Variants in RFC2 observed in about 807,000 individuals in gnomAD.
RFC2 encodes A1 40 kDa subunit.
RFC2 carries 34 observed loss-of-function variants against 44.8 expected under a neutral mutation model. That is an observed-to-expected ratio of 0.76 (90% CI 0.58 to 1.01). The LOEUF is 1.01. RFC2 is among the 50% of genes least tolerant of loss of function. The pLI is 0.00. For synonymous variants in RFC2, 177 were observed against 168.9 expected, an observed-to-expected ratio of 1.05 and a Z score of -0.37; for missense variants, 400 against 453.6, an observed-to-expected ratio of 0.88 and a Z score of 1.07.
intron 5 of RFC2, among the ~76,000 whole-genome samples, chr7:74,244,475 C>T (rs1803493861): frequency 1.3e-5 from 2 of 151,334 alleles, no homozygotes; most frequent in South Asian, 4.2e-4. Flanking sequence ...GCCTTGGACT[C>T]CTTAGTACCT....
At position 74,232,734 on chromosome 7, in the gene RFC2, G is replaced by A. The variant is rs1382265885; in HGVS notation, c.955-518C>T. On this transcript the variant is annotated intron_variant, in intron 10 of 10. Coordinates refer to ENST00000055077, the MANE Select transcript of RFC2 (RefSeq NM_181471.3). The stretch of plus-strand genomic sequence containing the variant: ...ACAAAAATTAGCCAGGTATGGTGGC[G>A]CACGCCTGTAATCCCAGCTACTCGG... Among the ~76,000 whole-genome samples, 8 of 152,220 alleles carry A rather than the reference G, an allele frequency of 5.3e-5. No homozygotes were observed. In the South Asian group the frequency reaches 1.2e-3, roughly 24 times the overall value.
At chr7:74,233,313 G>C (rs1554717538) in intron 10 of RFC2, among the ~76,000 whole-genome samples, 2 of 152,174 alleles carry the variant, frequency 1.3e-5, no homozygotes, top group African/African-American at 4.8e-5. Flanking sequence ...GGGAGTTCAA[G>C]ACCAGCCTTG....
chr7:74,250,521 T>C (rs1022227384), intron 2 of RFC2, among the ~76,000 whole-genome samples: 1 of 152,146 alleles, frequency 6.6e-6, no homozygotes, highest in South Asian at 2.1e-4. Flanking sequence ...ATGGACTGTC[T>C]ATGCCATGAA....
At chr7:74,241,055 T>C (rs1276635848) in intron 6 of RFC2, among the ~76,000 whole-genome samples, 1 of 152,090 alleles carries the variant, frequency 6.6e-6, no homozygotes, top group Non-Finnish European at 1.5e-5. Context: ...CTCAGCCTCC[T>C]GAGTAGCTGG....
At chr7:74,249,399 G>A (rs1187651369) in intron 3 of RFC2, among the ~76,000 whole-genome samples, 11 of 152,082 alleles carry the variant, frequency 7.2e-5, no homozygotes, top group African/African-American at 2.7e-4. Flanking sequence ...AACTTAGCTG[G>A]GCGTGATGGC....
intron 5 of RFC2, among the ~76,000 whole-genome samples, chr7:74,244,096 CAAAA>C (rs1179272254): frequency 2.4e-5 from 1 of 41,634 alleles, no homozygotes; most frequent in African/African-American, 7.6e-5. Flanking sequence ...ACTAAAAATA[CAAAA>C]AAAAAAAAAA....
At chr7:74,251,856 G>A (rs1400095516) in intron 2 of RFC2, among the ~76,000 whole-genome samples, 6 of 145,582 alleles carry the variant, frequency 4.1e-5, no homozygotes, top group Non-Finnish European at 9.0e-5. Flanking sequence ...CCAGCACTTT[G>A]GGAGGCCGAG....
intron 6 of RFC2, among the ~76,000 whole-genome samples, chr7:74,241,415 G>A (rs1803322477): frequency 6.6e-6 from 1 of 152,240 alleles, no homozygotes; most frequent in South Asian, 2.1e-4. Flanking sequence ...ATTTTGGGAA[G>A]GGAAAAGAAT....
intron 10 of RFC2, among the ~76,000 whole-genome samples, chr7:74,232,759 G>A (rs781971832): frequency 1.9e-4 from 29 of 152,220 alleles, no homozygotes; most frequent in Non-Finnish European, 2.6e-4. Flanking sequence ...CAGCTACTCG[G>A]GAGGCTGAGG....
chr7:74,244,010 G>A (rs1803470188), intron 5 of RFC2, among the ~76,000 whole-genome samples: 1 of 150,400 alleles, frequency 6.6e-6, no homozygotes, highest in South Asian at 2.1e-4. Context: ...CAGCACATTG[G>A]GAGGCCGAGG....
intron 5 of RFC2, among the ~76,000 whole-genome samples, chr7:74,244,751 T>C (rs1487534425): frequency 6.6e-6 from 1 of 151,336 alleles, no homozygotes; most frequent in Non-Finnish European, 1.5e-5. Context: ...ACAGATCACT[T>C]GAGGCCAGGA....
chr7:74,242,032 G>A lies in RFC2; in HGVS notation c.535+1114C>T, dbSNP rs532948725. On this transcript the variant is annotated intron_variant, in intron 6 of 10. Transcript: ENST00000055077. Reference sequence around the variant, plus strand: ...CTAGAGCACTCTTGGGACCTGGGGCGGGACAAACCCATGCAGAAGCAGACA... The same window carrying A: ...CTAGAGCACTCTTGGGACCTGGGGCAGGACAAACCCATGCAGAAGCAGACA... 7.9e-5 allele frequency among the ~76,000 whole-genome samples: 12 copies of A among 152,290 alleles called. 1 individual carries two copies. In the East Asian group the frequency reaches 1.9e-3, roughly 24 times the overall value.
rs781861667 is a variant in RFC2, at chr7:74,235,488, G to T, written c.954+44C>A. 1.4e-5 allele frequency: 18 copies of T among 1,264,116 alleles called. No individual in the cohort carries two copies. The South Asian group carries it at 1.7e-4, about 12-fold the overall frequency. 78.3% of individuals were successfully genotyped at this position (1,264,116 alleles called of 1,614,324 possible). ...TGGCCCACAGCACCCGGCCACTATG[G>T]GCCACATTCTTGAGGACAGAGGCAT... On this transcript the variant is annotated intron_variant, in intron 10 of 10. Transcript: ENST00000055077.
rs1554718706 is a variant in RFC2 at position 74,238,575 on chromosome 7, C to T, written c.759+348G>A. On this transcript the variant is annotated intron_variant, in intron 8 of 10. Coordinates refer to ENST00000055077, the MANE Select transcript of RFC2 (RefSeq NM_181471.3). This position sits in a 1 kb window ranked among gnomAD's most constrained non-coding sequence, Gnocchi z 4.0. ...GCCTGCCCTTTAGGGGCCAGGGGAT[C>T]CCCTGGGCCCACGTCATCACCCACA... is the stretch of plus-strand genomic sequence containing the variant. Among the ~76,000 whole-genome samples the T allele has an allele frequency of 1.3e-5, 2 of 151,994 alleles. No individual in the cohort carries two copies. Among genetic ancestry groups the T allele is most frequent in the East Asian group, 3.9e-4 (2 of 5,166 alleles).
chr7:74,239,485 C>G (rs529749557), intron 7 of RFC2, among the ~76,000 whole-genome samples: 8 of 152,258 alleles, frequency 5.3e-5, no homozygotes, highest in Admixed American at 2.6e-4. Context: ...GCGCCCACCA[C>G]CACGCCTGGC....
chr7:74,254,333 G>C lies in RFC2; in HGVS notation c.51C>G (p.Asp17Glu). 1 of 1,611,744 alleles carries C rather than the reference G, an allele frequency of 6.2e-7. No homozygotes were observed. The highest frequency in any genetic ancestry group is 8.5e-7 in the Non-Finnish European group (1 of 1,179,262). The part of the protein sequence containing the change: ...CGGAGEVEAQ[D>E]SDPAPAFSKA... The stretch of plus-strand genomic sequence containing the variant: ...TGCTGAAGGCAGGGGCAGGGTCAGA[G>C]TCCTGGGCCTCCACCTCGCCCGCGC... The change falls in exon 1 of 11, where the codon GAC becomes GAG. Residue 17 changes from aspartate to glutamate, a missense_variant. Physicochemically the swap from Asp to Glu is conservative, Grantham distance 45. Transcript: ENST00000055077.
rs1195722037 is a variant in RFC2, at chr7:74,240,045, C to T, written c.586G>A (p.Ala196Thr). 3 of 1,614,024 alleles carry T rather than the reference C, an allele frequency of 1.9e-6. No individual in the cohort carries two copies. Among genetic ancestry groups the T allele is most frequent in the South Asian group, 1.1e-5 (1 of 91,074 alleles). Residue 196 changes from alanine (A) to threonine (T), a missense_variant, in exon 7 of 11, where the codon GCC (alanine) becomes ACC (threonine). Physicochemically the swap from Ala to Thr is moderately conservative, Grantham distance 58. Coordinates refer to ENST00000055077, the MANE Select transcript of RFC2 (RefSeq NM_181471.3). ...TTCATCAGCCTGGTGAGGATCTGGG[C>T]GTCGGTCAGCTTTGTGTACCGGAGG... ...AVLRYTKLTDAQILTRLMNVI... is the reference protein window; with the variant it reads ...AVLRYTKLTDTQILTRLMNVI...
chr7:74,244,834 C>T (rs991692291), intron 5 of RFC2, among the ~76,000 whole-genome samples: 6 of 151,484 alleles, frequency 4.0e-5, no homozygotes, highest in Non-Finnish European at 5.9e-5. Flanking sequence ...TGCAGTTGCA[C>T]AAGCCTGTAG....
rs79258549 is a variant in RFC2, at chr7:74,233,595, GTTT to G, written c.955-1382_955-1380del. 4.0e-5 allele frequency among the ~76,000 whole-genome samples: 5 copies of G among 124,426 alleles called. No individual in the cohort carries two copies. In the South Asian group the frequency reaches 8.1e-4, roughly 20 times the overall value. The allele number at this position is 124,426 out of a possible 152,430, so 81.6% of individuals were successfully genotyped here. ...GGTTATTTTGTTGTTGTTGTTATTG[GTTT>G]TTTTTTTTTTTTTTTTTTTAAGATG... On this transcript the variant is annotated intron_variant, in intron 10 of 10. Coordinates refer to ENST00000055077, the MANE Select transcript of RFC2 (RefSeq NM_181471.3).
Sources: gnomAD v4.1 joint callset for allele counts (sites outside exome capture counted in the v4.1 genomes callset) on GRCh38, gnomAD v4.1.1 for gene constraint, Gnocchi (gnomAD v3.1) non-coding constraint, MANE v1.5 for transcripts, NCBI Gene and HGNC (gene_info 2026-07-23, HGNC 2026-07-21) for gene names.